Variants in FBXO11 observed in about 807,000 individuals in gnomAD.
FBXO11 encodes F-box protein 11, also known as F-box only protein 11.
Under a neutral mutation model 117.0 loss-of-function variants are expected in FBXO11, and 13 were observed. The observed-to-expected ratio is 0.11, with a 90% CI of 0.07 to 0.18. FBXO11 has a LOEUF of 0.18. Ranked by LOEUF, FBXO11 falls within the 10% of genes least tolerant of loss-of-function variation. The pLI, the probability that FBXO11 is intolerant of heterozygous loss-of-function variation, is 1.00. For missense variants in FBXO11, 767 were observed against 1,164.4 expected (o/e 0.66, Z 4.97); for synonymous variants, 490 against 380.5 (o/e 1.29, Z -3.35).
intron 11 of FBXO11, among the ~76,000 whole-genome samples, chr2:47,825,935 G>A (rs1671722700): frequency 6.6e-6 from 1 of 151,968 alleles, no homozygotes; most frequent in Admixed American, 6.6e-5. Flanking sequence ...ACCTCTGAAT[G>A]CAGTGATACA....
chr2:47,902,721 A>G (rs969162965), intron 1 of FBXO11, among the ~76,000 whole-genome samples: 1 of 152,124 alleles, frequency 6.6e-6, no homozygotes, highest in Non-Finnish European at 1.5e-5. Flanking sequence ...TACTGTAACT[A>G]TTTTATTACC....
At chr2:47,839,363 A>G in intron 3 of FBXO11, 56 bp downstream of exon 3, 1 of 1,496,274 alleles carries the variant, frequency 6.7e-7, no homozygotes, top group South Asian at 1.2e-5. Context: ...TTTTGGTATC[A>G]AGCAAAATTA....
chr2:47,878,661 AT>A (rs537844418), intron 1 of FBXO11, among the ~76,000 whole-genome samples: 22,409 of 135,482 alleles, frequency 0.17, 1,687 homozygotes, highest in Non-Finnish European at 0.19. Flanking sequence ...TGCGTCCAGC[AT>A]TTTTTTTTTT....
rs1678243118 is a variant in FBXO11 at position 47,901,102 on chromosome 2, T to TATGTGTATATATGTACACACGTGTGTAC, written c.232+4386_232+4387insGTACACACGTGTGTACATATATACACAT. 5.6e-5 allele frequency among the ~76,000 whole-genome samples: 6 copies of TATGTGTATATATGTACACACGTGTGTAC among 106,578 alleles called. No individual in the cohort carries two copies. The South Asian group carries it at 1.8e-3, about 33-fold the overall frequency. 69.9% of individuals were successfully genotyped at this position (106,578 alleles called of 152,430 possible). A position where few individuals can be genotyped will look rare whatever the true frequency, so the allele number is the denominator to read the frequency against. ...ACGTGTGTACATATATATACATATA[T>TATGTGTATATATGTACACACGTGTGTAC]ATGTATATATGTACACACGTGTGTA... is the stretch of plus-strand genomic sequence containing the variant. On this transcript the variant is annotated intron_variant, in intron 1 of 22. Transcript: ENST00000403359.
At chr2:47,851,882 T>C (rs565952090) in intron 1 of FBXO11, among the ~76,000 whole-genome samples, 2 of 152,370 alleles carry the variant, frequency 1.3e-5, no homozygotes, top group East Asian at 3.9e-4. Flanking sequence ...CTTTCCTTTG[T>C]GAATTCACAC....
At chr2:47,870,743 C>T (rs1328943319) in intron 1 of FBXO11, among the ~76,000 whole-genome samples, 2 of 152,284 alleles carry the variant, frequency 1.3e-5, no homozygotes, top group East Asian at 3.9e-4. Flanking sequence ...GATATGGTAG[C>T]ACTAGAAAAG....
intron 7 of FBXO11, among the ~76,000 whole-genome samples, chr2:47,834,267 T>C (rs1301882716): frequency 1.3e-5 from 2 of 152,106 alleles, no homozygotes; most frequent in African/African-American, 4.8e-5. Context: ...TGAGAATTGC[T>C]TGAACCCAGG....
At chr2:47,888,777 C>T (rs1201826957) in intron 1 of FBXO11, 1 of 350,920 alleles carries the variant, frequency 2.8e-6, no homozygotes, top group Non-Finnish European at 4.0e-6. Context: ...TTCAGAACCT[C>T]AACTGTAGCC....
chr2:47,878,099 C>G (rs1044929534), intron 1 of FBXO11, among the ~76,000 whole-genome samples: 1 of 152,232 alleles, frequency 6.6e-6, no homozygotes, highest in African/African-American at 2.4e-5. Flanking sequence ...TTCCAGCACT[C>G]TGGACCTGCA....
chr2:47,817,658 G>C (rs1360586384), intron 16 of FBXO11, among the ~76,000 whole-genome samples: 9 of 152,176 alleles, frequency 5.9e-5, no homozygotes, highest in Admixed American at 5.2e-4. Context: ...TACTTATAGA[G>C]GCCATTTGAG....
intron 1 of FBXO11, chr2:47,883,524 G>C (rs1676589255): frequency 5.1e-6 from 2 of 391,260 alleles, no homozygotes; most frequent in South Asian, 4.2e-5. Flanking sequence ...GGATACAACA[G>C]AAAATGTAAA....
chr2:47,833,912 C>T (rs981795215), intron 7 of FBXO11, among the ~76,000 whole-genome samples: 12 of 152,090 alleles, frequency 7.9e-5, no homozygotes, highest in Non-Finnish European at 5.9e-5. Context: ...AAGCGATCCA[C>T]CCACCTCAGC....
intron 19 of FBXO11, 57 bp from the exon 20 acceptor site, chr2:47,809,764 C>T (rs1036259046): frequency 9.0e-7 from 1 of 1,115,694 alleles, no homozygotes; most frequent in Non-Finnish European, 1.3e-6. Context: ...TCTTAAAAAC[C>T]TGAAATTAGC....
chr2:47,822,163 A>G (rs947173990), intron 13 of FBXO11, 55 bp downstream of exon 13: 7 of 1,160,594 alleles, frequency 6.0e-6, no homozygotes, highest in African/African-American at 1.6e-5. Flanking sequence ...CATTTTGCTA[A>G]TATCAAGAAG....
intron 1 of FBXO11, among the ~76,000 whole-genome samples, chr2:47,860,086 G>A (rs1299848800): frequency 6.6e-6 from 1 of 152,264 alleles, no homozygotes; most frequent in East Asian, 1.9e-4. Context: ...GAGTAAACGG[G>A]CACTAAATGA....
At chr2:47,844,974 C>T (rs778315846) in intron 1 of FBXO11, among the ~76,000 whole-genome samples, 1 of 152,164 alleles carries the variant, frequency 6.6e-6, no homozygotes, top group Non-Finnish European at 1.5e-5. Flanking sequence ...TTGTAGTATG[C>T]ATGCATGTGG....
rs116050979 is a variant in FBXO11 at position 47,810,480 on chromosome 2, C to G, written c.2228-54G>C. ...GCTAATGCATATAACAGACTACTAA[C>G]CTTTTTGGTGGTATTTAGGTTTGCT... On this transcript the variant is annotated intron_variant, in intron 18 of 22. Coordinates refer to ENST00000403359, the MANE Select transcript of FBXO11 (RefSeq NM_001190274.2). 3,191 of 1,105,266 alleles carry G rather than the reference C, an allele frequency of 2.9e-3. 55 individuals carry two copies. In the African/African-American group the frequency reaches 0.042, roughly 15 times the overall value. The allele number at this position is 1,105,266 out of a possible 1,614,324, so 68.5% of individuals were successfully genotyped here.
chr2:47,864,720 G>A (rs921089716), intron 1 of FBXO11, among the ~76,000 whole-genome samples: 2 of 152,160 alleles, frequency 1.3e-5, no homozygotes, highest in Admixed American at 1.3e-4. Context: ...CAGAGGTCAG[G>A]TAAATCACTA....
chr2:47,866,785 T>C (rs182212224), intron 1 of FBXO11, among the ~76,000 whole-genome samples: 5 of 152,306 alleles, frequency 3.3e-5, no homozygotes, highest in South Asian at 4.1e-4. Context: ...GCTAGCAAGT[T>C]TTCCTAAAAC....
Sources: gnomAD v4.1 joint callset for allele counts (sites outside exome capture counted in the v4.1 genomes callset) on GRCh38, gnomAD v4.1.1 for gene constraint, MANE v1.5 for transcripts, NCBI Gene and HGNC (gene_info 2026-07-23, HGNC 2026-07-21) for gene names.